The following MLKL variants were observed in gnomAD, a reference collection of about 807,000 sequenced individuals.
MLKL encodes the protein mixed lineage kinase domain like pseudokinase.
In MLKL, 55 loss-of-function variants were observed where a neutral mutation model predicts 56.5. The ratio of observed to expected loss-of-function variants is 0.97; its 90% confidence interval spans 0.78 to 1.22. The LOEUF is 1.22. Ranked by LOEUF, MLKL falls within the 50% of genes most tolerant of loss-of-function variation. The pLI is 0.00. For missense variants in MLKL, 694 were observed against 573.9 expected (o/e 1.21, Z -2.14); for synonymous variants, 251 against 208.3 (o/e 1.20, Z -1.76).
chr16:74,678,845 C>G lies in MLKL; in HGVS notation c.1038+54G>C, dbSNP rs771959297. ...CTTTCTGAGACACTCGTGCCCCTCT[C>G]ATAGCACCAGTCATGCAGGTTTGAC... On this transcript the variant is annotated intron_variant, in intron 7 of 10. Transcript: ENST00000308807. 11 of 1,306,920 alleles carry G rather than the reference C, an allele frequency of 8.4e-6. No individual in the cohort carries two copies. In the African/African-American group the frequency reaches 1.2e-4, roughly 14 times the overall value. The allele number at this position is 1,306,920 out of a possible 1,614,324, so 81.0% of individuals were successfully genotyped here. A position where few individuals can be genotyped will look rare whatever the true frequency, so the allele number is the denominator to read the frequency against.
intron 7 of MLKL, chr16:74,678,003 T>G (rs1442271676): frequency 6.6e-6 from 1 of 152,254 alleles, no homozygotes; most frequent in African/African-American, 2.4e-5. Context: ...AAACAGCAAC[T>G]CACATGTCAC....
intron 6 of MLKL, 91 bp downstream of exon 6, chr16:74,682,560 C>T (rs754463387): frequency 3.0e-5 from 46 of 1,518,370 alleles, no homozygotes; most frequent in Admixed American, 3.8e-5. Context: ...CTGTCTGGGG[C>T]GTCTGGCCTG....
In MLKL at chr16:74,675,717, TCCCAAA is replaced by T. The variant is rs1456105980; in HGVS notation, c.1080_1085del (p.Ser360_Gly362delinsArg). 6.2e-7 allele frequency: 1 copy of T among 1,614,062 alleles called. No individual in the cohort carries two copies. Among genetic ancestry groups the T allele is most frequent in the African/African-American group, 1.3e-5 (1 of 74,924 alleles). On this transcript the variant is annotated inframe_deletion, in exon 8 of 11. Coordinates refer to ENST00000308807, the MANE Select transcript of MLKL (RefSeq NM_152649.4). The stretch of plus-strand genomic sequence containing the variant: ...CTCTGTCTGTCTTTTCTCTCGTAGT[TCCCAAA>T]CTCATGGAAGTCTGTGTTTTCCTCA...
At position 74,675,728 on chromosome 16, in the gene MLKL, T is replaced by C. The variant is rs1330299374; in HGVS notation, c.1075A>G (p.Met359Val). ...TTTTCTCTCGTAGTTCCCAAACTCA[T>C]GGAAGTCTGTGTTTTCCTCAACTCA... ...GFELRKTQTS[M>V]SLGTTREKTD... is the part of the protein sequence containing the mutation. The change falls in exon 8 of 11, where the codon ATG becomes GTG. Residue 359 changes from methionine (M) to valine (V), a missense_variant. Coordinates refer to ENST00000308807, the MANE Select transcript of MLKL (RefSeq NM_152649.4). 3 of 1,614,066 alleles carry C rather than the reference T, an allele frequency of 1.9e-6. No homozygotes were observed. Among genetic ancestry groups the C allele is most frequent in the East Asian group, 2.2e-5 (1 of 44,886 alleles).
At chr16:74,697,838 G>A (rs919821605) in intron 1 of MLKL, among the ~76,000 whole-genome samples, 3 of 152,020 alleles carry the variant, frequency 2.0e-5, no homozygotes, top group Non-Finnish European at 2.9e-5. Flanking sequence ...CAGGTGAAAA[G>A]TGAAGATGCT....
At chr16:74,685,684 A>C in intron 4 of MLKL, 101 bp from the exon 5 acceptor site, 1 of 864,082 alleles carries the variant, frequency 1.2e-6, no homozygotes. Context: ...CGGGGGTATC[A>C]GCATCTGGGG....
intron 6 of MLKL, 118 bp from the exon 7 acceptor site, chr16:74,679,098 C>T (rs896434982): frequency 2.4e-5 from 18 of 745,298 alleles, no homozygotes; most frequent in Admixed American, 7.2e-5. Flanking sequence ...TCCACAGTTA[C>T]ACAGGAAAAA....
rs9931227 is a variant in MLKL, at chr16:74,678,846, A to G, written c.1038+53T>C. On this transcript the variant is annotated intron_variant, in intron 7 of 10. Transcript: ENST00000308807. ...TTTCTGAGACACTCGTGCCCCTCTC[A>G]TAGCACCAGTCATGCAGGTTTGACC... The G allele has an allele frequency of 1.4e-3, 1,811 of 1,322,440 alleles. 17 individuals carry two copies. The African/African-American group carries it at 0.023, about 17-fold the overall frequency. 81.9% of individuals were successfully genotyped at this position (1,322,440 alleles called of 1,614,324 possible).
At chr16:74,692,207 A>G (rs1960717757) in intron 3 of MLKL, 135 bp downstream of exon 3, 2 of 769,326 alleles carry the variant, frequency 2.6e-6, no homozygotes. Context: ...ATGGATCCCC[A>G]AACCTGTGGG....
At chr16:74,682,628 G>T (rs1378335589) in intron 6 of MLKL, 23 bp downstream of exon 6, 1 of 1,612,680 alleles carries the variant, frequency 6.2e-7, no homozygotes, top group Non-Finnish European at 8.5e-7. Context: ...AACCCTTAGT[G>T]GCGCCTTTTC....
chr16:74,692,747 T>C (rs1157435974), intron 2 of MLKL, among the ~76,000 whole-genome samples: 1 of 152,256 alleles, frequency 6.6e-6, no homozygotes, highest in Non-Finnish European at 1.5e-5. Context: ...AGAAGTGCTA[T>C]ACTATTGAAA....
At chr16:74,682,323 A>G (rs1295964332) in intron 6 of MLKL, among the ~76,000 whole-genome samples, 1 of 152,194 alleles carries the variant, frequency 6.6e-6, no homozygotes, top group Admixed American at 6.5e-5. Flanking sequence ...ATGCACTTAT[A>G]CTAAAAAATG....
chr16:74,672,873 C>G (rs1018189041), intron 10 of MLKL, among the ~76,000 whole-genome samples: 1 of 152,172 alleles, frequency 6.6e-6, no homozygotes, highest in Admixed American at 6.5e-5. Context: ...TAGTGGAGGA[C>G]AGCATTGTAT....
intron 2 of MLKL, 106 bp downstream of exon 2, chr16:74,695,192 A>G (rs1960952370): frequency 8.2e-7 from 1 of 1,221,804 alleles, no homozygotes. Context: ...AGGTACAAGT[A>G]TATTACAACT....
intron 7 of MLKL, chr16:74,676,592 G>C: frequency 2.1e-6 from 1 of 481,854 alleles, no homozygotes; most frequent in Non-Finnish European, 2.7e-6. Context: ...CTTATAGTCA[G>C]GCTGCATGAA....
At chr16:74,686,410 G>A (rs527694066) in intron 4 of MLKL, among the ~76,000 whole-genome samples, 5 of 152,198 alleles carry the variant, frequency 3.3e-5, no homozygotes, top group East Asian at 1.9e-4. Flanking sequence ...GTGAAACCCC[G>A]TCTCTACTAA....
rs766977075 is a variant in MLKL at position 74,695,674 on chromosome 16, G to A, written c.84C>T (p.Cys28=). The A allele has an allele frequency of 2.5e-5, 40 of 1,613,912 alleles. 1 individual carries two copies. The African/African-American group carries it at 3.1e-4, about 12-fold the overall frequency. The change falls in exon 2 of 11, where the codon TGC becomes TGT. Residue 28 remains cysteine (C), a synonymous_variant. Transcript: ENST00000308807. ...CEEMKYCKKQ[C]RRLGHRVLGL... ...CGAGGACGCGGTGGCCCAGGCGCCGGCACTGTTTCTTGCAGTATTTCATCT... is the reference window on the plus strand; with the variant it reads ...CGAGGACGCGGTGGCCCAGGCGCCGACACTGTTTCTTGCAGTATTTCATCT...
intron 2 of MLKL, among the ~76,000 whole-genome samples, chr16:74,693,477 A>AAAGGAAAG (rs1555534224): frequency 1.6e-5 from 2 of 124,606 alleles, no homozygotes; most frequent in Admixed American, 8.2e-5. Flanking sequence ...AAGAAAAGAA[A>AAAGGAAAG]AAAGAAAGAA....
intron 6 of MLKL, among the ~76,000 whole-genome samples, chr16:74,679,755 C>T (rs972572336): frequency 2.0e-5 from 3 of 151,984 alleles, no homozygotes; most frequent in South Asian, 2.1e-4. Flanking sequence ...GTGGAGTTTG[C>T]AGTGAGCCGA....
Sources: gnomAD v4.1 joint callset for allele counts (sites outside exome capture counted in the v4.1 genomes callset) on GRCh38, gnomAD v4.1.1 for gene constraint, MANE v1.5 for transcripts, NCBI Gene and HGNC (gene_info 2026-07-23, HGNC 2026-07-21) for gene names.